Variants in PIP5K1B observed in about 807,000 individuals in gnomAD.
The protein encoded by PIP5K1B is phosphatidylinositol-4-phosphate 5-kinase type 1 beta.
A neutral mutation model predicts 67.0 loss-of-function variants in PIP5K1B; 42 were observed. The ratio of observed to expected loss-of-function variants is 0.63; its 90% CI spans 0.49 to 0.81. The LOEUF (loss-of-function observed/expected upper bound fraction) is 0.81. PIP5K1B is among the 30% of genes least tolerant of loss of function. The pLI is 0.00. For synonymous variants in PIP5K1B, 214 were observed against 231.4 expected, an observed-to-expected ratio of 0.92 and a Z score of 0.68; for missense variants, 459 against 646.3, an observed-to-expected ratio of 0.71 and a Z score of 3.14.
intron 2 of PIP5K1B, among the ~76,000 whole-genome samples, chr9:68,812,448 TC>T (rs1833221105): frequency 6.6e-6 from 1 of 152,276 alleles, no homozygotes; most frequent in Non-Finnish European, 1.5e-5. Flanking sequence ...AAAGTCATTG[TC>T]TGGCACATAT....
intron 12 of PIP5K1B, among the ~76,000 whole-genome samples, chr9:68,931,492 T>C: frequency 6.6e-6 from 1 of 152,150 alleles, no homozygotes; most frequent in East Asian, 1.9e-4. Context: ...AATGAAACAA[T>C]TGCTAATATT....
intron 2 of PIP5K1B, among the ~76,000 whole-genome samples, chr9:68,799,510 A>T (rs998376316): frequency 6.6e-6 from 1 of 152,218 alleles, no homozygotes; most frequent in African/African-American, 2.4e-5. Context: ...AGCCACAGTA[A>T]ACAAAAGAGT....
intron 2 of PIP5K1B, among the ~76,000 whole-genome samples, chr9:68,766,376 G>T (rs1005989694): frequency 1.3e-5 from 2 of 152,030 alleles, no homozygotes; most frequent in South Asian, 2.1e-4. Context: ...CAAAATGAAC[G>T]TACAAAGATC....
intron 2 of PIP5K1B, chr9:68,788,592 C>T (rs1229851141): frequency 4.1e-6 from 1 of 245,922 alleles, no homozygotes; most frequent in Non-Finnish European, 7.9e-6. Context: ...AATGTGAAGA[C>T]CCATGGTCTT....
intron 4 of PIP5K1B, among the ~76,000 whole-genome samples, chr9:68,856,578 T>C (rs12339863): frequency 0.014 from 2,094 of 152,328 alleles, 45 homozygotes; most frequent in African/African-American, 0.048. Context: ...TTTGTCTTTA[T>C]GCATGTGTAT....
intron 4 of PIP5K1B, among the ~76,000 whole-genome samples, chr9:68,861,908 T>TG (rs1823099991): frequency 6.6e-6 from 1 of 151,816 alleles, no homozygotes; most frequent in African/African-American, 2.4e-5. Context: ...TTTTGTTTTT[T>TG]TTTTTTAAGA....
At chr9:68,964,515 G>A (rs1029074718) in intron 14 of PIP5K1B, among the ~76,000 whole-genome samples, 3 of 152,154 alleles carry the variant, frequency 2.0e-5, no homozygotes, top group Non-Finnish European at 2.9e-5. Context: ...AGCAGAATCC[G>A]ACCCAGGCTG....
At chr9:68,723,022 T>C (rs1349977769) in intron 1 of PIP5K1B, among the ~76,000 whole-genome samples, 1 of 152,152 alleles carries the variant, frequency 6.6e-6, no homozygotes, top group Non-Finnish European at 1.5e-5. Context: ...CATTTTTAGC[T>C]CCCACATACG....
intron 1 of PIP5K1B, among the ~76,000 whole-genome samples, chr9:68,725,121 C>T (rs1251311429): frequency 2.0e-5 from 3 of 152,220 alleles, no homozygotes; most frequent in Non-Finnish European, 4.4e-5. Flanking sequence ...AGTTCCACTA[C>T]ACCTACTATA....
intron 6 of PIP5K1B, among the ~76,000 whole-genome samples, chr9:68,888,229 C>A (rs1564207762): frequency 6.6e-6 from 1 of 152,198 alleles, no homozygotes; most frequent in South Asian, 2.1e-4. Flanking sequence ...CCACCCGCCT[C>A]AGCCTCCCAA....
intron 2 of PIP5K1B, among the ~76,000 whole-genome samples, chr9:68,758,115 C>T (rs1047148511): frequency 7.2e-5 from 11 of 152,270 alleles, no homozygotes; most frequent in Middle Eastern, 3.4e-3. Flanking sequence ...AAGCTATTCA[C>T]GACAATTGCC....
At chr9:68,726,500 C>A (rs968890734) in intron 1 of PIP5K1B, among the ~76,000 whole-genome samples, 1 of 152,206 alleles carries the variant, frequency 6.6e-6, no homozygotes, top group African/African-American at 2.4e-5. Context: ...GTGGCACAAT[C>A]ATAATCATAC....
At chr9:68,789,033 G>A in intron 2 of PIP5K1B, 1 of 438,298 alleles carries the variant, frequency 2.3e-6, no homozygotes, top group South Asian at 2.2e-5. Context: ...CAATCAGCTT[G>A]ATACAGCATC....
At chr9:68,710,311 A>T (rs926985550) in intron 1 of PIP5K1B, among the ~76,000 whole-genome samples, 2 of 152,164 alleles carry the variant, frequency 1.3e-5, no homozygotes, top group African/African-American at 4.8e-5. Context: ...ATAGAGCAGG[A>T]TGTGTTACTT....
chr9:68,790,596 G>GCA (rs59234219), intron 2 of PIP5K1B, among the ~76,000 whole-genome samples: 43,005 of 151,720 alleles, frequency 0.28, 6,288 homozygotes, highest in Middle Eastern at 0.35. Context: ...ACATGAGCGC[G>GCA]CACACACACA....
At chr9:68,892,485 T>A (rs912699986) in intron 7 of PIP5K1B, among the ~76,000 whole-genome samples, 1 of 152,248 alleles carries the variant, frequency 6.6e-6, no homozygotes, top group African/African-American at 2.4e-5. Context: ...ATTTGTCTAC[T>A]TACTGTATTG....
At chr9:68,997,610 T>C (rs1272646055) in intron 15 of PIP5K1B, among the ~76,000 whole-genome samples, 1 of 152,222 alleles carries the variant, frequency 6.6e-6, no homozygotes, top group Non-Finnish European at 1.5e-5. Context: ...AAAGGATAAA[T>C]TAGGGCCCTT....
At chr9:68,970,988 G>GTATT (rs1339247994) in intron 14 of PIP5K1B, among the ~76,000 whole-genome samples, 27 of 152,194 alleles carry the variant, frequency 1.8e-4, no homozygotes, top group African/African-American at 6.3e-4. Flanking sequence ...TATTATTTAT[G>GTATT]TATTTATTTA....
At chr9:68,770,547 G>A (rs1458812037) in intron 2 of PIP5K1B, among the ~76,000 whole-genome samples, 1 of 152,200 alleles carries the variant, frequency 6.6e-6, no homozygotes, top group Non-Finnish European at 1.5e-5. Flanking sequence ...TCTGCGGCCT[G>A]TAAGGAACCA....
Sources: allele counts gnomAD v4.1 joint callset (sites outside exome capture counted in the v4.1 genomes callset), GRCh38; gene constraint gnomAD v4.1.1; transcripts MANE v1.5; gene names NCBI Gene and HGNC (gene_info 2026-07-23, HGNC 2026-07-21).